The following LRP1B variants were observed in gnomAD, a reference collection of about 807,000 sequenced individuals.
The protein encoded by LRP1B is low-density lipoprotein receptor-related protein 1B.
In LRP1B, 217 loss-of-function variants were observed where a neutral mutation model predicts 556.6. The ratio of observed to expected loss-of-function variants is 0.39; its 90% confidence interval spans 0.35 to 0.44. LRP1B has a LOEUF of 0.44. LRP1B is among the 20% of genes least tolerant of loss of function. The pLI, the probability that LRP1B is intolerant of heterozygous loss-of-function variation, is 1.00. For synonymous variants in LRP1B, 2,047 were observed against 1,865.8 expected, an observed-to-expected ratio of 1.10 and a Z score of -2.50; for missense variants, 5,053 against 5,620.8, an observed-to-expected ratio of 0.90 and a Z score of 3.23.
At chr2:140,291,826 G>C (rs1175517965) in intron 84 of LRP1B, among the ~76,000 whole-genome samples, 1 of 152,158 alleles carries the variant, frequency 6.6e-6, no homozygotes, top group Admixed American at 6.6e-5. Context: ...TATATACCCA[G>C]TAATGGGATG....
rs115386779 is a variant in LRP1B, at chr2:140,833,644, A to G, written c.5209+6347T>C. Reference sequence around the variant, plus strand: ...TTCTTTATATGTCCTTTGGCTTTAAAGTCACAGTTTCCAAGAACATGTTGA... The same window carrying G: ...TTCTTTATATGTCCTTTGGCTTTAAGGTCACAGTTTCCAAGAACATGTTGA... On this transcript the variant is annotated intron_variant, in intron 31 of 90. Transcript: ENST00000389484. Among the ~76,000 whole-genome samples, 527 of 152,270 alleles carry G rather than the reference A, an allele frequency of 3.5e-3. 4 individuals are homozygous for G. The highest frequency in any genetic ancestry group is 0.012 in the African/African-American group (511 of 41,540).
chr2:141,103,820 C>G (rs964230435), intron 7 of LRP1B, among the ~76,000 whole-genome samples: 1 of 150,854 alleles, frequency 6.6e-6, no homozygotes, highest in Non-Finnish European at 1.5e-5. Context: ...TTAAAGTGCA[C>G]AAAAATGCTG....
At chr2:140,329,862 T>C (rs941373344) in intron 79 of LRP1B, among the ~76,000 whole-genome samples, 4 of 150,728 alleles carry the variant, frequency 2.7e-5, no homozygotes, top group Non-Finnish European at 4.4e-5. Flanking sequence ...TAAACTACCA[T>C]TGACATCCTT....
intron 18 of LRP1B, among the ~76,000 whole-genome samples, chr2:140,955,071 C>T (rs1695833477): frequency 6.6e-6 from 1 of 151,820 alleles, no homozygotes; most frequent in African/African-American, 2.4e-5. Flanking sequence ...CTCTTGGGTC[C>T]TATAAGTCCT....
intron 17 of LRP1B, among the ~76,000 whole-genome samples, chr2:140,986,659 C>T (rs1428963849): frequency 6.6e-6 from 1 of 152,140 alleles, no homozygotes; most frequent in Non-Finnish European, 1.5e-5. Flanking sequence ...CCTTACTCTT[C>T]CCATGTGCTT....
At chr2:141,564,111 T>C (rs1686251353) in intron 2 of LRP1B, among the ~76,000 whole-genome samples, 1 of 152,104 alleles carries the variant, frequency 6.6e-6, no homozygotes. Flanking sequence ...TTTCCAAACT[T>C]AGAAGATTGA....
chr2:142,062,321 G>A (rs1486942303), intron 1 of LRP1B, among the ~76,000 whole-genome samples: 1 of 151,812 alleles, frequency 6.6e-6, no homozygotes, highest in East Asian at 1.9e-4. Context: ...GCACAAAGTT[G>A]TAGTGAGTTA....
rs565448096 is a variant in LRP1B at position 141,045,752 on chromosome 2, G to A, written c.1789+3234C>T. Among the ~76,000 whole-genome samples, 8 of 151,794 alleles carry A rather than the reference G, an allele frequency of 5.3e-5. No individual in the cohort carries two copies. In the South Asian group the frequency reaches 6.2e-4, roughly 12 times the overall value. On this transcript the variant is annotated intron_variant, in intron 11 of 90. Coordinates refer to ENST00000389484, the MANE Select transcript of LRP1B (RefSeq NM_018557.3). ...CTAGAACAGCACCTGGCCCCGATAC[G>A]GCATTCACTTTTTATTGACTGAAAA...
intron 2 of LRP1B, among the ~76,000 whole-genome samples, chr2:141,636,563 C>T (rs1342772086): frequency 6.6e-6 from 1 of 151,930 alleles, no homozygotes; most frequent in Non-Finnish European, 1.5e-5. Flanking sequence ...TTTTTTGGCA[C>T]AGTAATTCTA....
chr2:141,807,849 C>G (rs1182577998), intron 2 of LRP1B, among the ~76,000 whole-genome samples: 2 of 152,032 alleles, frequency 1.3e-5, no homozygotes, highest in Admixed American at 1.3e-4. Flanking sequence ...AGGGTGAATA[C>G]TGGTCGGTGC....
chr2:140,954,358 T>C (rs566046539), intron 18 of LRP1B, among the ~76,000 whole-genome samples: 1 of 152,136 alleles, frequency 6.6e-6, no homozygotes, highest in Non-Finnish European at 1.5e-5. Flanking sequence ...AAATGGGGAC[T>C]CAGATATGAT....
intron 5 of LRP1B, among the ~76,000 whole-genome samples, chr2:141,241,340 T>C (rs755617782): frequency 3.3e-5 from 5 of 152,132 alleles, no homozygotes; most frequent in Non-Finnish European, 5.9e-5. Flanking sequence ...TTATTCAGTA[T>C]AGTGTGATTG....
intron 2 of LRP1B, among the ~76,000 whole-genome samples, chr2:141,618,995 G>A (rs1688408255): frequency 6.6e-6 from 1 of 152,170 alleles, no homozygotes; most frequent in South Asian, 2.1e-4. Flanking sequence ...ACTTTATAGG[G>A]AAGTTTCAAG....
At chr2:141,149,190 TTTTTGTTTTG>T (rs1220156739) in intron 7 of LRP1B, among the ~76,000 whole-genome samples, 3 of 152,200 alleles carry the variant, frequency 2.0e-5, no homozygotes, top group African/African-American at 4.8e-5. Context: ...AAAAGGGTTT[TTTTTGTTTTG>T]TTTTGTTTTG....
At chr2:141,542,715 GA>G in intron 2 of LRP1B, among the ~76,000 whole-genome samples, 1 of 152,148 alleles carries the variant, frequency 6.6e-6, no homozygotes, top group Non-Finnish European at 1.5e-5. Flanking sequence ...GGAAGAGGTA[GA>G]ACATTTTCAA....
chr2:140,419,477 A>C (rs897875581), intron 66 of LRP1B, among the ~76,000 whole-genome samples: 4 of 152,224 alleles, frequency 2.6e-5, no homozygotes, highest in African/African-American at 4.8e-5. Context: ...TGTATAGAAC[A>C]GTCCACCCAA....
At chr2:142,022,698 T>C (rs1487980246) in intron 1 of LRP1B, among the ~76,000 whole-genome samples, 1 of 152,106 alleles carries the variant, frequency 6.6e-6, no homozygotes. Flanking sequence ...TGAGATGGAG[T>C]CTTGCTCTGT....
chr2:140,492,910 G>A (rs551386973), intron 56 of LRP1B, among the ~76,000 whole-genome samples: 7 of 152,270 alleles, frequency 4.6e-5, no homozygotes, highest in South Asian at 4.1e-4. Context: ...AATTCTAAGT[G>A]CATCCCTTGC....
intron 8 of LRP1B, among the ~76,000 whole-genome samples, chr2:141,061,659 T>C (rs1699338870): frequency 6.6e-6 from 1 of 151,848 alleles, no homozygotes; most frequent in Non-Finnish European, 1.5e-5. Flanking sequence ...GTTAGCAAAA[T>C]ATCTCCAACG....
Sources: gnomAD v4.1 joint callset for allele counts (sites outside exome capture counted in the v4.1 genomes callset) on GRCh38, gnomAD v4.1.1 for gene constraint, MANE v1.5 for transcripts, NCBI Gene and HGNC (gene_info 2026-07-23, HGNC 2026-07-21) for gene names.